The following ALKBH5 variants were observed in gnomAD, a reference collection of about 807,000 sequenced individuals.
The protein encoded by ALKBH5 is alkB homolog 5, RNA demethylase.
Under a neutral mutation model 32.1 loss-of-function variants are expected in ALKBH5, and 2 were observed. The ratio of observed to expected loss-of-function variants is 0.06; its 90% CI spans 0.03 to 0.20. The LOEUF (loss-of-function observed/expected upper bound fraction) is 0.20. Ranked by LOEUF, ALKBH5 falls within the 10% of genes least tolerant of loss-of-function variation. The pLI, the probability that ALKBH5 is intolerant of heterozygous loss-of-function variation, is 1.00. For missense variants in ALKBH5, 352 were observed against 559.5 expected (o/e 0.63, Z 3.74); for synonymous variants, 300 against 231.7 (o/e 1.29, Z -2.68).
At chr17:18,200,118 TTTTTTTTTAAATTACATCCAGC>T (rs1490289876) in intron 2 of ALKBH5, among the ~76,000 whole-genome samples, 1 of 151,090 alleles carries the variant, frequency 6.6e-6, no homozygotes, top group African/African-American at 2.4e-5. Flanking sequence ...AAAAATTTTT[TTTTTTTTTAAATTACATCCAGC>T]TTTGCGGGAG....
In ALKBH5 at chr17:18,190,550, G is replaced by GAAA. The variant is rs11316080; in HGVS notation, c.771-4385_771-4383dup. The stretch of plus-strand genomic sequence containing the variant: ...GGCAACAGAGTGGGACTCTGTTTCC[G>GAAA]AAAAAAAAAAAAAAAAAAAAAATTT... On this transcript the variant is annotated intron_variant, in intron 1 of 3. Coordinates refer to ENST00000399138, the MANE Select transcript of ALKBH5 (RefSeq NM_017758.4). Among the ~76,000 whole-genome samples the GAAA allele has an allele frequency of 6.9e-3, 842 of 121,808 alleles. 10 individuals are homozygous for GAAA. Among genetic ancestry groups the GAAA allele is most frequent in the Middle Eastern group, 8.2e-3 (2 of 244 alleles). 79.9% of individuals were successfully genotyped at this position (121,808 alleles called of 152,430 possible).
intron 1 of ALKBH5, among the ~76,000 whole-genome samples, chr17:18,187,380 C>T (rs943795760): frequency 6.6e-6 from 1 of 152,034 alleles, no homozygotes; most frequent in Non-Finnish European, 1.5e-5. Context: ...GTTGAGGGTG[C>T]TCTGGTGAAC....
intron 2 of ALKBH5, among the ~76,000 whole-genome samples, chr17:18,202,305 C>T (rs1047417374): frequency 3.3e-5 from 5 of 151,718 alleles, no homozygotes; most frequent in Non-Finnish European, 7.4e-5. Context: ...GAGACTCCGA[C>T]TCAAAACAAA....
In ALKBH5 at chr17:18,184,597, G is replaced by A; in HGVS notation, c.354G>A (p.Leu118=). 1 of 1,613,332 alleles carries A rather than the reference G, an allele frequency of 6.2e-7. No homozygotes were observed. Among genetic ancestry groups the A allele is most frequent in the Non-Finnish European group, 8.5e-7 (1 of 1,180,022 alleles). ...TGGTGTCCCGCGCTGAGAAGGGCCT[G>A]TACAACGAGCACACGGTGGACCGGG... The part of the protein sequence containing the change: ...DEVVSRAEKG[L]YNEHTVDRAP... Residue 118 remains leucine (L), a synonymous_variant, in exon 1 of 4, where the codon CTG becomes CTA. Coordinates refer to ENST00000399138, the MANE Select transcript of ALKBH5 (RefSeq NM_017758.4).
chr17:18,194,926 A>C (rs374762911), intron 1 of ALKBH5, 29 bp from the exon 2 acceptor site: 2 of 1,610,514 alleles, frequency 1.2e-6, no homozygotes, highest in Non-Finnish European at 1.7e-6. Flanking sequence ...TCTACTCTTC[A>C]TGGTCACATG....
At chr17:18,194,248 G>C (rs2047193864) in intron 1 of ALKBH5, among the ~76,000 whole-genome samples, 1 of 152,016 alleles carries the variant, frequency 6.6e-6, no homozygotes, top group Non-Finnish European at 1.5e-5. Flanking sequence ...CTGCCTCCTA[G>C]GTTCAAGCGA....
intron 1 of ALKBH5, among the ~76,000 whole-genome samples, chr17:18,193,329 C>A (rs949103233): frequency 2.6e-5 from 4 of 151,918 alleles, no homozygotes; most frequent in Admixed American, 6.6e-5. Context: ...TGGCGGATCA[C>A]GAGGTCAGGA....
chr17:18,195,212 T>C (rs2047198092), intron 2 of ALKBH5, among the ~76,000 whole-genome samples, 177 bp downstream of exon 2: 1 of 152,208 alleles, frequency 6.6e-6, no homozygotes, highest in African/African-American at 2.4e-5. Flanking sequence ...TGTTGTTTTA[T>C]CAGAAAATTA....
intron 2 of ALKBH5, among the ~76,000 whole-genome samples, chr17:18,195,462 G>A (rs540025816): frequency 2.2e-4 from 34 of 152,344 alleles, no homozygotes; most frequent in African/African-American, 7.7e-4. Flanking sequence ...GGAACAGGGA[G>A]TGAAGAGAGG....
chr17:18,184,310 T>A lies in ALKBH5; in HGVS notation c.67T>A (p.Tyr23Asn), dbSNP rs1288843691. 6.6e-7 allele frequency: 1 copy of A among 1,521,196 alleles called. No individual in the cohort carries two copies. The highest frequency in any genetic ancestry group is 1.4e-5 in the African/African-American group (1 of 70,040). The allele number at this position is 1,521,196 out of a possible 1,614,324, so 94.2% of individuals were successfully genotyped here. Residue 23 changes from tyrosine to asparagine, a missense_variant, in exon 1 of 4, where the codon TAT becomes AAT. By Grantham distance (143) the Tyr-to-Asn change is moderately radical (BLOSUM62 -2). This residue lies in a region of ALKBH5 where 144 missense variants were observed against 125.8 expected (regional missense o/e 1.14). Transcript: ENST00000399138. ...KLKSMTSRDN[Y>N]KAGSREAAAA... ...CAAGTCCATGACGTCCCGGGACAAC[T>A]ATAAGGCGGGCAGCCGGGAGGCCGC...
chr17:18,208,280 C>A lies in ALKBH5; in HGVS notation c.1069C>A (p.Arg357=), dbSNP rs767112785. The A allele has an allele frequency of 1.2e-6, 2 of 1,613,978 alleles. No individual in the cohort carries two copies. The highest frequency in any genetic ancestry group is 1.7e-6 in the Non-Finnish European group (2 of 1,179,990). Residue 357 remains arginine (R), a synonymous_variant, in exon 4 of 4, where the codon CGG becomes AGG. Transcript: ENST00000399138. The part of the protein sequence containing the change: ...NRRSVLLPTH[R]RRGSFSSENY... ...GCGCTCGGTGCTGCTGCCCACACAC[C>A]GGCGGAGGGGTAGCTTCAGCTCTGA...
intron 2 of ALKBH5, among the ~76,000 whole-genome samples, chr17:18,198,594 T>A (rs1208170004): frequency 6.6e-6 from 1 of 151,958 alleles, no homozygotes; most frequent in African/African-American, 2.4e-5. Context: ...GGTAGAGGAG[T>A]TAGAGCCGGT....
chr17:18,209,037 A>G lies in ALKBH5; in HGVS notation c.*641A>G, dbSNP rs1210536863. On this transcript the variant is annotated 3_prime_UTR_variant, in exon 4 of 4. Transcript: ENST00000399138. Reference sequence around the variant, plus strand: ...TTGTTAAGCCCCCCAGGCGTCCTCCACCCACGCCCACTAGCCTGCCATGTC... The same window carrying G: ...TTGTTAAGCCCCCCAGGCGTCCTCCGCCCACGCCCACTAGCCTGCCATGTC... 1.2e-5 allele frequency: 2 copies of G among 163,224 alleles called. No homozygotes were observed. Among genetic ancestry groups the G allele is most frequent in the Non-Finnish European group, 2.7e-5 (2 of 74,286 alleles). The allele number at this position is 163,224 out of a possible 1,614,324, so 10.1% of individuals were successfully genotyped here.
intron 2 of ALKBH5, among the ~76,000 whole-genome samples, chr17:18,200,270 A>G (rs1275267451): frequency 1.3e-5 from 2 of 151,972 alleles, no homozygotes; most frequent in Non-Finnish European, 2.9e-5. Context: ...TAGATGAGGA[A>G]TGAAAGAGGG....
chr17:18,201,779 A>ATAGATAGG (rs1555551009), intron 2 of ALKBH5, among the ~76,000 whole-genome samples: 3 of 110,638 alleles, frequency 2.7e-5, no homozygotes, highest in Non-Finnish European at 4.1e-5. Flanking sequence ...AGATAGATAG[A>ATAGATAGG]TAGATAGGAT....
chr17:18,203,087 A>G (rs1330494797), intron 2 of ALKBH5, among the ~76,000 whole-genome samples: 4 of 151,956 alleles, frequency 2.6e-5, no homozygotes, highest in African/African-American at 9.7e-5. Context: ...AAAAAAAAAA[A>G]AAAAGAGTTT....
At chr17:18,192,878 G>A (rs1212230065) in intron 1 of ALKBH5, among the ~76,000 whole-genome samples, 1 of 27,232 alleles carries the variant, frequency 3.7e-5, no homozygotes, top group African/African-American at 1.5e-4. Context: ...TTTTTTTTTT[G>A]AGACGGAGTC....
At chr17:18,185,828 T>C (rs891099277) in intron 1 of ALKBH5, among the ~76,000 whole-genome samples, 1 of 152,240 alleles carries the variant, frequency 6.6e-6, no homozygotes, top group African/African-American at 2.4e-5. Flanking sequence ...CTTTGCTGTT[T>C]ATGTGAAGTG....
At chr17:18,196,214 CT>C (rs575337257) in intron 2 of ALKBH5, among the ~76,000 whole-genome samples, 299 of 140,542 alleles carry the variant, frequency 2.1e-3, no homozygotes, top group East Asian at 4.2e-3. Flanking sequence ...TTGCCTTATT[CT>C]TTTTTTTTTT....
Sources: allele counts gnomAD v4.1 joint callset (sites outside exome capture counted in the v4.1 genomes callset), GRCh38; gene constraint gnomAD v4.1.1; regional missense constraint gnomAD v4.1.1; transcripts MANE v1.5; gene names NCBI Gene and HGNC (gene_info 2026-07-23, HGNC 2026-07-21).